The following CIB2 variants were observed in gnomAD, a reference collection of about 807,000 sequenced individuals.
The protein encoded by CIB2 is calcium and integrin binding family member 2, also known as calcium and integrin-binding family member 2.
CIB2 carries 19 observed loss-of-function variants against 23.1 expected under a neutral mutation model. That is an observed-to-expected ratio of 0.82 (90% CI 0.57 to 1.21). The LOEUF (loss-of-function observed/expected upper bound fraction) is 1.21. CIB2 is among the 50% of genes most tolerant of loss of function. The pLI is 0.00. For synonymous variants in CIB2, 94 were observed against 91.7 expected (o/e 1.03, Z -0.14); for missense variants, 220 against 241.5 (o/e 0.91, Z 0.59).
chr15:78,120,941 C>T (rs889954252), intron 2 of CIB2, among the ~76,000 whole-genome samples: 23 of 152,146 alleles, frequency 1.5e-4, no homozygotes, highest in African/African-American at 5.6e-4. Context: ...ACTTTGCCCT[C>T]TCTGGGCTCC....
At chr15:78,127,061 T>C (rs1191303557) in intron 1 of CIB2, among the ~76,000 whole-genome samples, 1 of 152,220 alleles carries the variant, frequency 6.6e-6, no homozygotes, top group African/African-American at 2.4e-5. Flanking sequence ...TAGGCCTCTC[T>C]GAAGGGGACA....
chr15:78,114,093 T>A (rs1485001269), intron 2 of CIB2, among the ~76,000 whole-genome samples: 2 of 152,224 alleles, frequency 1.3e-5, no homozygotes, highest in African/African-American at 4.8e-5. Flanking sequence ...GGGGCTATTC[T>A]ACTGTTCTCA....
At chr15:78,123,563 G>T (rs939811352) in intron 2 of CIB2, 142 bp downstream of exon 2, 7 of 825,804 alleles carry the variant, frequency 8.5e-6, no homozygotes, top group Non-Finnish European at 1.4e-5. Context: ...CCCAGTGGCC[G>T]AGTGGGGACC....
intron 3 of CIB2, chr15:78,109,624 A>T (rs2074125839): frequency 1.8e-6 from 1 of 544,484 alleles, no homozygotes; most frequent in Non-Finnish European, 3.3e-6. Context: ...CTCAGGAAGC[A>T]TTCTACTGGG....
At chr15:78,116,793 G>C (rs2074246069) in intron 2 of CIB2, among the ~76,000 whole-genome samples, 1 of 151,996 alleles carries the variant, frequency 6.6e-6, no homozygotes, top group Non-Finnish European at 1.5e-5. Context: ...TTCAAAAGTA[G>C]GATTTGGCTG....
At chr15:78,112,320 G>A (rs1216054676) in intron 2 of CIB2, among the ~76,000 whole-genome samples, 2 of 152,152 alleles carry the variant, frequency 1.3e-5, no homozygotes, top group South Asian at 2.1e-4. Flanking sequence ...TAAACCCAGT[G>A]TTTTGGGAGG....
chr15:78,127,655 A>G (rs2074398985), intron 1 of CIB2, among the ~76,000 whole-genome samples: 1 of 152,018 alleles, frequency 6.6e-6, no homozygotes, highest in Non-Finnish European at 1.5e-5. Flanking sequence ...CCTGCCTCCC[A>G]TCTCCTACAT....
chr15:78,111,157 G>A lies in CIB2; in HGVS notation c.198+8C>T, dbSNP rs752139872. 5.0e-6 allele frequency: 8 copies of A among 1,612,450 alleles called. No individual in the cohort carries two copies. In the East Asian group the frequency reaches 1.6e-4, roughly 31 times the overall value. On this transcript the variant is annotated splice_region_variant and intron_variant, in intron 3 of 5. Transcript: ENST00000258930. ...CCCCTGCTCGCCAGCAAGAGGTCCT[G>A]CACATACCCGGAGCTCTGGCATCTG...
At chr15:78,109,442 C>T (rs1255025479) in intron 3 of CIB2, 60 bp from the exon 4 acceptor site, 1 of 1,603,142 alleles carries the variant, frequency 6.2e-7, no homozygotes, top group Non-Finnish European at 8.5e-7. Context: ...GGCCCCGGAG[C>T]CAGACTGTGG....
chr15:78,125,121 GC>G (rs1296840964), intron 1 of CIB2, among the ~76,000 whole-genome samples: 2 of 152,202 alleles, frequency 1.3e-5, no homozygotes, highest in African/African-American at 4.8e-5. Flanking sequence ...CTCTGTAGGA[GC>G]CCAGAAAGGC....
chr15:78,123,301 T>C (rs2074342704), intron 2 of CIB2, among the ~76,000 whole-genome samples: 1 of 152,170 alleles, frequency 6.6e-6, no homozygotes, highest in Non-Finnish European at 1.5e-5. Flanking sequence ...GGACCCAGGA[T>C]GCAGTGAAAT....
intron 2 of CIB2, among the ~76,000 whole-genome samples, chr15:78,123,004 C>G (rs774822449): frequency 2.6e-5 from 4 of 152,206 alleles, no homozygotes; most frequent in African/African-American, 7.2e-5. Flanking sequence ...CCTAGTGAGG[C>G]CCGTGGGGCA....
At chr15:78,127,597 C>G (rs141396372) in intron 1 of CIB2, among the ~76,000 whole-genome samples, 48 of 150,904 alleles carry the variant, frequency 3.2e-4, no homozygotes, top group Non-Finnish European at 5.9e-4. Flanking sequence ...GTTGTCCAAA[C>G]CCTTTCTCCA....
intron 2 of CIB2, among the ~76,000 whole-genome samples, chr15:78,113,900 C>T (rs1387164741): frequency 6.6e-6 from 1 of 152,182 alleles, no homozygotes; most frequent in African/African-American, 2.4e-5. Flanking sequence ...GACCCCACCT[C>T]ATATGTGGCA....
rs1386455619 is a variant in CIB2, at chr15:78,109,481, C to A, written c.199-99G>T. On this transcript the variant is annotated intron_variant, in intron 3 of 5. Coordinates refer to ENST00000258930, the MANE Select transcript of CIB2 (RefSeq NM_006383.4). ...GCCTGTGTGACCCTGGAGGAGTGAC[C>A]AAATCCCTCTGAGCCTCGGTTTCCC... is the stretch of plus-strand genomic sequence containing the variant. 6 of 1,359,604 alleles carry A rather than the reference C, an allele frequency of 4.4e-6. No homozygotes were observed. The East Asian group carries it at 9.2e-5, about 21-fold the overall frequency. The allele number at this position is 1,359,604 out of a possible 1,614,324, so 84.2% of individuals were successfully genotyped here. A position where few individuals can be genotyped will look rare whatever the true frequency, so the allele number is the denominator to read the frequency against.
At chr15:78,117,283 T>TAAAAAAAA (rs1265422874) in intron 2 of CIB2, among the ~76,000 whole-genome samples, 21 of 133,504 alleles carry the variant, frequency 1.6e-4, no homozygotes, top group East Asian at 6.7e-4. Context: ...AAAGTTTGTT[T>TAAAAAAAA]AAAAGAATAA....
Position 78,108,182 on chromosome 15 carries a change from C to T in CIB2, c.346+1053G>A, listed in dbSNP as rs11630127. Among the ~76,000 whole-genome samples, 14 of 132,342 alleles carry T rather than the reference C, an allele frequency of 1.1e-4. No homozygotes were observed. The East Asian group carries it at 2.6e-3, about 25-fold the overall frequency. The allele number at this position is 132,342 out of a possible 152,430, so 86.8% of individuals were successfully genotyped here. On this transcript the variant is annotated intron_variant, in intron 4 of 5. Coordinates refer to ENST00000258930, the MANE Select transcript of CIB2 (RefSeq NM_006383.4). Reference sequence around the variant, plus strand: ...TCACACGATTGCACTCCAGCCTGGGCGACAGTGGGACTCTGTCTCAAAAAA... The same window carrying T: ...TCACACGATTGCACTCCAGCCTGGGTGACAGTGGGACTCTGTCTCAAAAAA...
intron 2 of CIB2, among the ~76,000 whole-genome samples, chr15:78,114,373 T>A (rs1489180700): frequency 6.6e-6 from 1 of 152,206 alleles, no homozygotes; most frequent in Non-Finnish European, 1.5e-5. Flanking sequence ...AAAGAAACTC[T>A]AAGCATTGTC....
intron 2 of CIB2, among the ~76,000 whole-genome samples, chr15:78,116,187 G>A (rs1247556025): frequency 3.3e-5 from 5 of 152,034 alleles, no homozygotes; most frequent in East Asian, 1.9e-4. Flanking sequence ...GGCTGGGCAC[G>A]GTGGCTTACA....
Sources: allele counts gnomAD v4.1 joint callset (sites outside exome capture counted in the v4.1 genomes callset), GRCh38; gene constraint gnomAD v4.1.1; transcripts MANE v1.5; gene names NCBI Gene and HGNC (gene_info 2026-07-23, HGNC 2026-07-21).